Variants in ZFHX4 observed in about 807,000 individuals in gnomAD.
The protein encoded by ZFHX4 is zinc finger homeobox 4, also known as zinc finger homeobox protein 4.
A neutral mutation model predicts 267.6 loss-of-function variants in ZFHX4; 56 were observed. The observed-to-expected ratio is 0.21, with a 90% CI of 0.17 to 0.26. The LOEUF is 0.26. Ranked by LOEUF, ZFHX4 falls within the 10% of genes least tolerant of loss-of-function variation. The pLI, the probability that ZFHX4 is intolerant of heterozygous loss-of-function variation, is 1.00. For missense variants in ZFHX4, 4,332 were observed against 4,420.0 expected (o/e 0.98, Z 0.56); for synonymous variants, 1,778 against 1,665.6 (o/e 1.07, Z -1.64).
At chr8:76,687,710 A>G (rs980536175) in intron 1 of ZFHX4, among the ~76,000 whole-genome samples, 1 of 152,190 alleles carries the variant, frequency 6.6e-6, no homozygotes, top group Non-Finnish European at 1.5e-5. Context: ...CTAAAGCAAA[A>G]AGATAGGAAA....
chr8:76,853,765 C>A lies in ZFHX4; in HGVS notation c.6844C>A (p.Arg2282=), dbSNP rs1274063307. 1 of 1,613,326 alleles carries A rather than the reference C, an allele frequency of 6.2e-7. No individual in the cohort carries two copies. Among genetic ancestry groups the A allele is most frequent in the African/African-American group, 1.3e-5 (1 of 74,882 alleles). ...GTTCCAGAATGCTCGTCAGAAAGCA[C>A]GAAAGAGTTATGAGAATCAAGCAGA... is the stretch of plus-strand genomic sequence containing the variant. ...VWFQNARQKA[R]KSYENQAETK... The change falls in exon 10 of 11, where the codon CGA becomes AGA. Residue 2282 remains arginine (R), a synonymous_variant. Transcript: ENST00000651372.
intron 3 of ZFHX4, among the ~76,000 whole-genome samples, chr8:76,725,314 TC>T (rs1462777239): frequency 1.3e-5 from 2 of 152,146 alleles, no homozygotes; most frequent in African/African-American, 4.8e-5. Flanking sequence ...AAAAACTGAA[TC>T]TTTGTGTATT....
intron 4 of ZFHX4, among the ~76,000 whole-genome samples, chr8:76,807,740 G>A (rs934494044): frequency 6.6e-6 from 1 of 152,096 alleles, no homozygotes; most frequent in Non-Finnish European, 1.5e-5. Context: ...CTGATATAAT[G>A]TTAGAAATTG....
rs1007647186 is a variant in ZFHX4, at chr8:76,681,425, G to A, written c.-242G>A. ...ATGCTTTAACTCCTCCCGGACCCCCGAGGACCGCTCCATGCCCCCCACTTT... is the reference window on the plus strand; with the variant it reads ...ATGCTTTAACTCCTCCCGGACCCCCAAGGACCGCTCCATGCCCCCCACTTT... On this transcript the variant is annotated 5_prime_UTR_variant, in exon 1 of 11. Transcript: ENST00000651372. 2.5e-6 allele frequency: 1 copy of A among 398,074 alleles called. No homozygotes were observed. The highest frequency in any genetic ancestry group is 4.4e-6 in the Non-Finnish European group (1 of 225,926). 24.7% of individuals were successfully genotyped at this position (398,074 alleles called of 1,614,324 possible).
At chr8:76,799,069 G>A (rs184224207) in intron 4 of ZFHX4, among the ~76,000 whole-genome samples, 2 of 152,180 alleles carry the variant, frequency 1.3e-5, no homozygotes, top group African/African-American at 4.8e-5. Context: ...CCAAGGCAAT[G>A]TTCCAAATGA....
chr8:76,756,280 G>T (rs572049197), intron 3 of ZFHX4, among the ~76,000 whole-genome samples: 22 of 152,260 alleles, frequency 1.4e-4, no homozygotes, highest in Non-Finnish European at 2.9e-4. Flanking sequence ...TCACATGCTA[G>T]TGTAATTTAT....
intron 3 of ZFHX4, among the ~76,000 whole-genome samples, chr8:76,754,097 C>A (rs1216628992): frequency 6.6e-6 from 1 of 152,128 alleles, no homozygotes; most frequent in Non-Finnish European, 1.5e-5. Context: ...ATATACAGTA[C>A]TTGGCATTTG....
At chr8:76,862,403 G>T (rs1391726413) in intron 10 of ZFHX4, among the ~76,000 whole-genome samples, 1 of 152,156 alleles carries the variant, frequency 6.6e-6, no homozygotes, top group Non-Finnish European at 1.5e-5. Context: ...TGTTAGGCAA[G>T]TTGTCAGGAT....
At position 76,851,994 on chromosome 8, in the gene ZFHX4, A is replaced by G. The variant is rs1249620552; in HGVS notation, c.5073A>G (p.Pro1691=). Residue 1691 remains proline, a synonymous_variant, in exon 10 of 11, where the codon CCA becomes CCG. Coordinates refer to ENST00000651372, the MANE Select transcript of ZFHX4 (RefSeq NM_024721.5). ...AQPAHHPPQS[P]AQIQMQLQHE... is the part of the protein sequence containing the mutation. Reference sequence around the variant, plus strand: ...CTGCACATCACCCACCACAGTCACCAGCACAAATTCAGATGCAACTACAGC... The same window carrying G: ...CTGCACATCACCCACCACAGTCACCGGCACAAATTCAGATGCAACTACAGC... The G allele has an allele frequency of 6.2e-7, 1 of 1,613,976 alleles. No homozygotes were observed. The highest frequency in any genetic ancestry group is 1.1e-5 in the South Asian group (1 of 91,086).
chr8:76,683,928 T>C (rs1219181793), intron 1 of ZFHX4: 1 of 151,442 alleles, frequency 6.6e-6, no homozygotes. Flanking sequence ...ATCGCTTCCA[T>C]TGAGAGCAAT....
chr8:76,739,355 T>C (rs1419926111), intron 3 of ZFHX4, among the ~76,000 whole-genome samples: 1 of 152,228 alleles, frequency 6.6e-6, no homozygotes, highest in African/African-American at 2.4e-5. Context: ...CTATCAACTG[T>C]GATAACCTTG....
At chr8:76,810,567 G>A (rs1811351493) in intron 4 of ZFHX4, among the ~76,000 whole-genome samples, 1 of 152,136 alleles carries the variant, frequency 6.6e-6, no homozygotes, top group Non-Finnish European at 1.5e-5. Context: ...CAGTGACTGG[G>A]AAAACTGTTT....
chr8:76,861,082 A>G (rs1056267343), intron 10 of ZFHX4, among the ~76,000 whole-genome samples: 3 of 152,182 alleles, frequency 2.0e-5, no homozygotes, highest in Non-Finnish European at 4.4e-5. Flanking sequence ...ATTAAAGATC[A>G]GAGAGTTTAT....
At chr8:76,715,877 G>C (rs1043042707) in intron 3 of ZFHX4, among the ~76,000 whole-genome samples, 1 of 152,148 alleles carries the variant, frequency 6.6e-6, no homozygotes, top group African/African-American at 2.4e-5. Flanking sequence ...TTCATTGTAA[G>C]TACTAGCATA....
At chr8:76,699,427 T>C (rs1291567292) in intron 1 of ZFHX4, among the ~76,000 whole-genome samples, 1 of 152,110 alleles carries the variant, frequency 6.6e-6, no homozygotes, top group Non-Finnish European at 1.5e-5. Context: ...ATACTCCACA[T>C]ACACCAAAAT....
chr8:76,835,514 T>C (rs1812071028), intron 5 of ZFHX4, among the ~76,000 whole-genome samples: 1 of 151,778 alleles, frequency 6.6e-6, no homozygotes, highest in Non-Finnish European at 1.5e-5. Flanking sequence ...ATAAAAACAA[T>C]TTTGCAAGTG....
chr8:76,835,682 C>A (rs1004954995), intron 5 of ZFHX4, among the ~76,000 whole-genome samples: 3 of 152,014 alleles, frequency 2.0e-5, no homozygotes, highest in Non-Finnish European at 4.4e-5. Flanking sequence ...ATAGAATAAA[C>A]CTACTCTCCC....
rs573775710 is a variant in ZFHX4 at position 76,704,840 on chromosome 8, G to A, written c.752G>A (p.Cys251Tyr). 1.2e-6 allele frequency: 2 copies of A among 1,614,192 alleles called. No homozygotes were observed. The highest frequency in any genetic ancestry group is 2.7e-5 in the African/African-American group (2 of 75,060). ...LTSDGSAKNSCVSKDVPNNVD... is the reference protein window; with the variant it reads ...LTSDGSAKNSYVSKDVPNNVD... ...AGTGATGGCTCAGCCAAAAACTCCT[G>A]TGTGTCCAAAGATGTCCCTAACAAT... is the stretch of plus-strand genomic sequence containing the variant. Residue 251 changes from cysteine to tyrosine, a missense_variant, in exon 2 of 11, where the codon TGT becomes TAT. Physicochemically the swap from Cys to Tyr is radical, Grantham distance 194 (BLOSUM62 -2). Transcript: ENST00000651372.
intron 4 of ZFHX4, among the ~76,000 whole-genome samples, chr8:76,807,434 C>G (rs192720165): frequency 6.6e-6 from 1 of 152,054 alleles, no homozygotes; most frequent in Non-Finnish European, 1.5e-5. Flanking sequence ...AGATTGGCAG[C>G]TTTCTCTCTC....
Sources: gnomAD v4.1 joint callset for allele counts (sites outside exome capture counted in the v4.1 genomes callset) on GRCh38, gnomAD v4.1.1 for gene constraint, MANE v1.5 for transcripts, NCBI Gene and HGNC (gene_info 2026-07-23, HGNC 2026-07-21) for gene names.